The following PDE4D variants were observed in gnomAD, a reference collection of about 807,000 sequenced individuals.
The protein encoded by PDE4D is phosphodiesterase 4D.
In PDE4D, 24 loss-of-function variants were observed where a neutral mutation model predicts 87.4. That is an observed-to-expected ratio of 0.27 (90% confidence interval 0.20 to 0.39). PDE4D has a LOEUF of 0.39. Among genes scored for constraint, PDE4D ranks in the 10% least tolerant of loss-of-function variants. PDE4D has a pLI of 1.00. For missense variants in PDE4D, 714 were observed against 1,041.0 expected, an observed-to-expected ratio of 0.69 and a Z score of 4.32; for synonymous variants, 384 against 383.2, an observed-to-expected ratio of 1.00 and a Z score of -0.02.
intron 5 of PDE4D, among the ~76,000 whole-genome samples, chr5:59,048,451 A>G (rs1452914454): frequency 6.6e-6 from 1 of 152,128 alleles, no homozygotes; most frequent in Non-Finnish European, 1.5e-5. Flanking sequence ...TTTAGCACCT[A>G]CCCAGCTCTA....
intron 2 of PDE4D, among the ~76,000 whole-genome samples, chr5:60,155,185 C>G (rs1781857894): frequency 6.6e-6 from 1 of 152,144 alleles, no homozygotes; most frequent in African/African-American, 2.4e-5. Flanking sequence ...GTTTTTCAAG[C>G]CAATTACCAA....
At chr5:60,029,620 C>A (rs1052920202) in intron 2 of PDE4D, among the ~76,000 whole-genome samples, 1 of 152,210 alleles carries the variant, frequency 6.6e-6, no homozygotes, top group Admixed American at 6.5e-5. Flanking sequence ...TCAATGCCAT[C>A]TTGGCAAAAT....
rs571358800 is a variant in PDE4D at position 59,439,953 on chromosome 5, T to A, written c.456-223985A>T. Among the ~76,000 whole-genome samples, 322 of 152,342 alleles carry A rather than the reference T, an allele frequency of 2.1e-3. 1 individual carries two copies. The highest frequency in any genetic ancestry group is 7.4e-3 in the African/African-American group (307 of 41,574). ...ATGAATACCTTCAATAGATATTAGC[T>A]GCCATCCTAAGATGTAGCAAATCTG... On this transcript the variant is annotated intron_variant, in intron 1 of 14. Coordinates refer to ENST00000340635, the MANE Select transcript of PDE4D (RefSeq NM_001104631.2).
At chr5:60,310,434 G>T (rs990955206) in intron 1 of PDE4D, among the ~76,000 whole-genome samples, 1 of 152,190 alleles carries the variant, frequency 6.6e-6, no homozygotes, top group African/African-American at 2.4e-5. Flanking sequence ...AGAAGGGAAG[G>T]TTTAAAAAAT....
At chr5:60,415,461 G>A (rs982512746) in intron 1 of PDE4D, among the ~76,000 whole-genome samples, 1 of 152,242 alleles carries the variant, frequency 6.6e-6, no homozygotes, top group Non-Finnish European at 1.5e-5. Flanking sequence ...TGGAGGGAGA[G>A]GTGCAGGCGG....
intron 7 of PDE4D, 47 bp downstream of exon 7, chr5:58,993,325 A>C: frequency 8.8e-7 from 1 of 1,136,270 alleles, no homozygotes. Flanking sequence ...AAAACAAACA[A>C]GCAAACAACT....
chr5:59,879,057 C>T (rs1348818358), intron 1 of PDE4D, among the ~76,000 whole-genome samples: 1 of 151,900 alleles, frequency 6.6e-6, no homozygotes, highest in East Asian at 1.9e-4. Context: ...TGCCACCACG[C>T]CCGGCTAATT....
intron 1 of PDE4D, among the ~76,000 whole-genome samples, chr5:59,796,246 T>C (rs1766465353): frequency 6.6e-6 from 1 of 152,320 alleles, no homozygotes; most frequent in Admixed American, 6.5e-5. Flanking sequence ...AAATCCATTT[T>C]GAATCTCACC....
intron 1 of PDE4D, among the ~76,000 whole-genome samples, chr5:59,806,985 G>C (rs967545821): frequency 2.0e-5 from 3 of 152,140 alleles, no homozygotes; most frequent in Non-Finnish European, 4.4e-5. Context: ...GAAAGTTATG[G>C]AAGTGGAAGG....
intron 3 of PDE4D, among the ~76,000 whole-genome samples, chr5:59,982,364 A>G (rs949471529): frequency 6.6e-6 from 1 of 152,120 alleles, no homozygotes. Flanking sequence ...CAGCAATGAA[A>G]TGTAAGTAGA....
At chr5:59,185,111 T>A (rs887133654) in intron 4 of PDE4D, 78 bp downstream of exon 4, 2 of 1,073,554 alleles carry the variant, frequency 1.9e-6, no homozygotes, top group Non-Finnish European at 2.8e-6. Flanking sequence ...GTCTAACATA[T>A]TGCCTTGGGC....
At chr5:59,808,511 A>G (rs1767987050) in intron 1 of PDE4D, among the ~76,000 whole-genome samples, 1 of 152,140 alleles carries the variant, frequency 6.6e-6, no homozygotes, top group Non-Finnish European at 1.5e-5. Context: ...GTACATTGAG[A>G]TCACCTGGGG....
At chr5:59,542,920 C>T (rs963387764) in intron 1 of PDE4D, among the ~76,000 whole-genome samples, 1 of 152,038 alleles carries the variant, frequency 6.6e-6, no homozygotes, top group African/African-American at 2.4e-5. Context: ...TGAAACAAGC[C>T]GCCTCCAAAA....
At chr5:59,592,243 G>T in intron 1 of PDE4D, 1 of 652,076 alleles carries the variant, frequency 1.5e-6, no homozygotes, top group Non-Finnish European at 1.9e-6. Context: ...GATGTTGATA[G>T]TCATGACTTT....
At chr5:59,212,295 C>T (rs1355610574) in intron 2 of PDE4D, among the ~76,000 whole-genome samples, 1 of 152,074 alleles carries the variant, frequency 6.6e-6, no homozygotes, top group Non-Finnish European at 1.5e-5. Flanking sequence ...ATTATTTATT[C>T]TATTTCCTTT....
At chr5:59,053,633 G>GTTTTTT (rs1761871402) in intron 5 of PDE4D, among the ~76,000 whole-genome samples, 1 of 93,862 alleles carries the variant, frequency 1.1e-5, no homozygotes, top group African/African-American at 4.6e-5. Flanking sequence ...GAATTAAGTT[G>GTTTTTT]TTTTGTTTTT....
At chr5:59,635,223 T>C (rs990557909) in intron 1 of PDE4D, among the ~76,000 whole-genome samples, 2 of 152,048 alleles carry the variant, frequency 1.3e-5, no homozygotes, top group African/African-American at 4.8e-5. Flanking sequence ...CAATAACAAA[T>C]TCTGAAATTG....
intron 1 of PDE4D, among the ~76,000 whole-genome samples, chr5:59,866,196 G>T (rs1036154587): frequency 1.3e-5 from 2 of 152,178 alleles, no homozygotes; most frequent in Middle Eastern, 3.4e-3. Flanking sequence ...CTTAAAATTT[G>T]CAGCAGACAG....
chr5:59,548,452 C>T (rs1817618978), intron 1 of PDE4D, among the ~76,000 whole-genome samples: 2 of 152,124 alleles, frequency 1.3e-5, no homozygotes, highest in Non-Finnish European at 2.9e-5. Context: ...CATTAGGTAC[C>T]AGGCACCCAC....
Sources: allele counts gnomAD v4.1 joint callset (sites outside exome capture counted in the v4.1 genomes callset), GRCh38; gene constraint gnomAD v4.1.1; transcripts MANE v1.5; gene names NCBI Gene and HGNC (gene_info 2026-07-23, HGNC 2026-07-21).